ERCC1: variants seen among roughly 807,000 people sequenced by gnomAD.
ERCC1 encodes the protein DNA excision repair protein ERCC-1.
Under a neutral mutation model 37.6 loss-of-function variants are expected in ERCC1, and 36 were observed. The ratio of observed to expected loss-of-function variants is 0.96; its 90% CI spans 0.73 to 1.26. The LOEUF (loss-of-function observed/expected upper bound fraction) is 1.26, where lower values mean the gene tolerates loss of function less well. Among genes scored for constraint, ERCC1 ranks in the 50% most tolerant of loss-of-function variants. The pLI, the probability that ERCC1 is intolerant of heterozygous loss-of-function variation, is 0.00. For missense variants in ERCC1, 349 were observed against 376.5 expected (o/e 0.93, Z 0.60); for synonymous variants, 156 against 162.1 (o/e 0.96, Z 0.28).
At chr19:45,419,631 G>C (rs981781537) in intron 4 of ERCC1, 2 of 242,258 alleles carry the variant, frequency 8.3e-6, no homozygotes, top group Admixed American at 5.1e-5. Flanking sequence ...CCAGCAGTCT[G>C]CAGCTGTCAC....
chr19:45,415,650 A>C (rs1348564120), intron 6 of ERCC1, among the ~76,000 whole-genome samples: 4 of 150,164 alleles, frequency 2.7e-5, no homozygotes, highest in African/African-American at 1.0e-4. Context: ...AAAAAAAAAA[A>C]AAAAAAAACA....
chr19:45,427,455 C>CAAAA (rs35190442), upstream of ERCC1, among the ~76,000 whole-genome samples: 2 of 147,720 alleles, frequency 1.4e-5, no homozygotes, highest in Admixed American at 6.8e-5. Context: ...CTAAAAAATA[C>CAAAA]AAAAAAAAAA....
intron 2 of ERCC1, 144 bp from the exon 3 acceptor site, chr19:45,421,537 T>C (rs561127178): frequency 1.3e-5 from 8 of 599,106 alleles, no homozygotes; most frequent in Non-Finnish European, 2.0e-5. Flanking sequence ...TGGCACTATC[T>C]TGGCTCATTG....
At chr19:45,422,053 A>G (rs1041944872) in intron 2 of ERCC1, among the ~76,000 whole-genome samples, 6 of 151,956 alleles carry the variant, frequency 3.9e-5, no homozygotes, top group African/African-American at 1.5e-4. Context: ...CTCTGGTCCC[A>G]GCCACCAGCG....
intron 1 of ERCC1, among the ~76,000 whole-genome samples, chr19:45,447,724 T>A (rs1361467103): frequency 6.6e-6 from 1 of 152,170 alleles, no homozygotes; most frequent in African/African-American, 2.4e-5. Flanking sequence ...CCTGGCTGTG[T>A]GTTTCCATAG....
At chr19:45,444,469 C>T (rs372225037) in intron 1 of ERCC1, among the ~76,000 whole-genome samples, 1 of 152,124 alleles carries the variant, frequency 6.6e-6, no homozygotes, top group Admixed American at 6.6e-5. Flanking sequence ...GCCCCAGGGC[C>T]GCCAGATGAG....
upstream of ERCC1, among the ~76,000 whole-genome samples, chr19:45,427,808 G>A (rs1421515283): frequency 1.3e-5 from 2 of 152,164 alleles, no homozygotes; most frequent in Non-Finnish European, 2.9e-5. Flanking sequence ...GATTGGAAGT[G>A]TTGGGGAGCC....
chr19:45,444,836 CTCAG>C (rs1458354430), intron 1 of ERCC1, among the ~76,000 whole-genome samples: 1 of 152,164 alleles, frequency 6.6e-6, no homozygotes, highest in East Asian at 1.9e-4. Flanking sequence ...GACCTTTGCA[CTCAG>C]TTCGAGGGAC....
chr19:45,433,751 G>A (rs900278037), intron 1 of ERCC1, among the ~76,000 whole-genome samples: 9 of 151,908 alleles, frequency 5.9e-5, no homozygotes, highest in African/African-American at 1.2e-4. Flanking sequence ...TGTCATGAAG[G>A]ACAAGAATGT....
rs201856533 is a variant in ERCC1, at chr19:45,419,216, G to A, written c.426-19C>T. ...GCGGAGGCTGGTGGGGGCAGGGAGCGGGAGTTGAGAGGTCTCAGTCTCTTC... is the reference window on the plus strand; with the variant it reads ...GCGGAGGCTGGTGGGGGCAGGGAGCAGGAGTTGAGAGGTCTCAGTCTCTTC... On this transcript the variant is annotated intron_variant, in intron 4 of 9. Transcript: ENST00000300853. 3.2e-5 allele frequency: 49 copies of A among 1,547,576 alleles called. 1 individual carries two copies. The highest frequency in any genetic ancestry group is 2.7e-4 in the African/African-American group (20 of 73,664).
rs1454132789 is a variant in ERCC1, at chr19:45,407,840, G to T, written c.*1835C>A. 1.4e-5 allele frequency: 4 copies of T among 296,144 alleles called. No homozygotes were observed. Among genetic ancestry groups the T allele is most frequent in the African/African-American group, 8.5e-5 (4 of 47,016 alleles). The allele number at this position is 296,144 out of a possible 1,614,324, so 18.3% of individuals were successfully genotyped here. A position where few individuals can be genotyped will look rare whatever the true frequency, so the allele number is the denominator to read the frequency against. Reference sequence around the variant, plus strand: ...GGAGGCCGAGGCGAGCAGATCACTTGAGGTCAGGAGTTCAAGACCAGCCTG... The same window carrying T: ...GGAGGCCGAGGCGAGCAGATCACTTTAGGTCAGGAGTTCAAGACCAGCCTG... On this transcript the variant is annotated 3_prime_UTR_variant, in exon 10 of 10. Coordinates refer to ENST00000300853, the MANE Select transcript of ERCC1 (RefSeq NM_001983.4).
At chr19:45,428,689 CA>C (rs1437818690), upstream of ERCC1, among the ~76,000 whole-genome samples, 2 of 152,214 alleles carry the variant, frequency 1.3e-5, no homozygotes, top group African/African-American at 4.8e-5. Flanking sequence ...ACAATTCCGC[CA>C]AAGGGGACCT....
chr19:45,424,451 C>T (rs1974620475), upstream of ERCC1: 1 of 152,294 alleles, frequency 6.6e-6, no homozygotes, highest in African/African-American at 2.4e-5. Flanking sequence ...CTGACTCAGC[C>T]CCGGAGTCCG....
rs534974123 is a variant in ERCC1, at chr19:45,414,943, C to T, written c.620G>A (p.Arg207Gln). 2.2e-5 allele frequency: 35 copies of T among 1,613,358 alleles called. No homozygotes were observed. Among genetic ancestry groups the T allele is most frequent in the Non-Finnish European group, 2.6e-5 (31 of 1,179,598 alleles). ...ATAGGCCTTGTAGGTCTCCAGGTAC[C>T]GCCCAGCTTCCTCGGGGCTGGGATA... ...ILAWSPEEAGRYLETYKAYEQ... is the reference protein window; with the variant it reads ...ILAWSPEEAGQYLETYKAYEQ... Residue 207 changes from arginine (R) to glutamine (Q), a missense_variant, in exon 7 of 10, where the codon CGG (arginine) becomes CAG (glutamine). Transcript: ENST00000300853.
upstream of ERCC1, among the ~76,000 whole-genome samples, chr19:45,428,083 C>CTTTTTTTTTTTTTTTTTTTTTTT (rs5828235): frequency 3.4e-5 from 4 of 116,018 alleles, no homozygotes; most frequent in African/African-American, 1.2e-4. Flanking sequence ...TTCTTTCTTT[C>CTTTTTTTTTTTTTTTTTTTTTTT]TTTTTTTTTT....
At chr19:45,413,552 A>C (rs544771152) in intron 9 of ERCC1, 125 bp downstream of exon 9, 1 of 1,612,168 alleles carries the variant, frequency 6.2e-7, no homozygotes, top group African/African-American at 1.3e-5. Flanking sequence ...TTGGGATTAC[A>C]GGCGGAAGCC....
rs149573461 is a variant in ERCC1 at position 45,414,460 on chromosome 19, G to C, written c.702+401C>G. ...TCATTGCACTCCAGCCTGGGCAAGA[G>C]AGTGAGACTCCATCTCAAAAAAAAA... On this transcript the variant is annotated intron_variant, in intron 7 of 9. Transcript: ENST00000300853. 3.8e-3 allele frequency: 1,266 copies of C among 334,708 alleles called. 10 individuals are homozygous for C. The highest frequency in any genetic ancestry group is 0.026 in the African/African-American group (1,178 of 45,998). The allele number at this position is 334,708 out of a possible 1,614,324, so 20.7% of individuals were successfully genotyped here.
chr19:45,441,884 G>T (rs1022274291), intron 1 of ERCC1, among the ~76,000 whole-genome samples: 2 of 151,062 alleles, frequency 1.3e-5, no homozygotes, highest in Non-Finnish European at 3.0e-5. Context: ...GGGTTTCACA[G>T]TGTTAGCCAG....
chr19:45,442,325 AAAAAG>A (rs1216967819), intron 1 of ERCC1, among the ~76,000 whole-genome samples: 6 of 143,996 alleles, frequency 4.2e-5, no homozygotes, highest in Admixed American at 2.1e-4. Flanking sequence ...CAAAAAAAAA[AAAAAG>A]AAAAAGAAAA....
Sources: allele counts gnomAD v4.1 joint callset (sites outside exome capture counted in the v4.1 genomes callset), GRCh38; gene constraint gnomAD v4.1.1; transcripts MANE v1.5; gene names NCBI Gene and HGNC (gene_info 2026-07-23, HGNC 2026-07-21).